IL12RB2: variants seen among roughly 807,000 people sequenced by gnomAD.
The protein encoded by IL12RB2 is interleukin-12 receptor subunit beta-2.
In IL12RB2, 82 loss-of-function variants were observed where a neutral mutation model predicts 89.4. The observed-to-expected ratio is 0.92, with a 90% CI of 0.77 to 1.10. The LOEUF (loss-of-function observed/expected upper bound fraction) is 1.10, where lower values mean the gene tolerates loss of function less well. Ranked by LOEUF, IL12RB2 falls within the 50% of genes least tolerant of loss-of-function variation. IL12RB2 has a pLI of 0.00. For missense variants in IL12RB2, 963 were observed against 1,031.9 expected (o/e 0.93, Z 0.92); for synonymous variants, 368 against 370.1 (o/e 0.99, Z 0.07).
intron 8 of IL12RB2, 152 bp downstream of exon 8, chr1:67,330,962 A>C: frequency 4.2e-6 from 2 of 478,142 alleles, no homozygotes; most frequent in Non-Finnish European, 7.8e-6. Context: ...TTTTATATTA[A>C]CTTAAGTGCT....
chr1:67,341,529 G>GAAGGAAAGAAAAA (rs368547295), intron 9 of IL12RB2, among the ~76,000 whole-genome samples: 5 of 110,690 alleles, frequency 4.5e-5, no homozygotes, highest in East Asian at 2.8e-4. Flanking sequence ...AAAAAAGAAA[G>GAAGGAAAGAAAAA]AGAAAGAAAG....
intron 1 of IL12RB2, among the ~76,000 whole-genome samples, chr1:67,310,056 G>A (rs1020350281): frequency 1.3e-5 from 2 of 151,690 alleles, no homozygotes; most frequent in Non-Finnish European, 2.9e-5. Flanking sequence ...ACACCATGTG[G>A]CATGGTAATC....
At chr1:67,361,844 C>T (rs933371241) in intron 10 of IL12RB2, among the ~76,000 whole-genome samples, 1 of 151,606 alleles carries the variant, frequency 6.6e-6, no homozygotes, top group African/African-American at 2.4e-5. Flanking sequence ...CCTCCACCCA[C>T]AAAAAAAACT....
chr1:67,351,726 C>A (rs892726814), intron 10 of IL12RB2, among the ~76,000 whole-genome samples: 1 of 152,106 alleles, frequency 6.6e-6, no homozygotes, highest in African/African-American at 2.4e-5. Flanking sequence ...CCCTTTATTG[C>A]ACAAGTTTAG....
intron 11 of IL12RB2, among the ~76,000 whole-genome samples, chr1:67,371,381 A>T (rs1663283879): frequency 6.6e-6 from 1 of 152,062 alleles, no homozygotes; most frequent in Admixed American, 6.6e-5. Context: ...CAAATAATTT[A>T]ATAAATTTTT....
chr1:67,332,734 C>A (rs927041776), intron 8 of IL12RB2, among the ~76,000 whole-genome samples: 10 of 152,022 alleles, frequency 6.6e-5, no homozygotes, highest in Admixed American at 4.6e-4. Flanking sequence ...TGAAAATGGG[C>A]TATATTTTAT....
intron 13 of IL12RB2, 89 bp from the exon 14 acceptor site, chr1:67,379,897 T>C: frequency 1.9e-6 from 2 of 1,031,692 alleles, no homozygotes; most frequent in Non-Finnish European, 1.5e-6. Context: ...CCAAATTAAA[T>C]GAAGCATTAA....
chr1:67,328,253 G>A lies in IL12RB2; in HGVS notation c.533G>A (p.Cys178Tyr), dbSNP rs138759281. The change falls in exon 6 of 17, where the codon TGT (cysteine) becomes TAT (tyrosine). Residue 178 changes from cysteine to tyrosine, a missense_variant. Cys to Tyr is a radical substitution (Grantham distance 194). Transcript: ENST00000674203. ...TWQKQCKDIY[C>Y]DYLDFGINLT... is the part of the protein sequence containing the mutation. Reference sequence around the variant, plus strand: ...CAGAAGCAATGTAAAGACATTTATTGTGACTATTTGGACTTTGGAATCAAC... The same window carrying A: ...CAGAAGCAATGTAAAGACATTTATTATGACTATTTGGACTTTGGAATCAAC... The A allele has an allele frequency of 6.8e-6, 11 of 1,614,014 alleles. No individual in the cohort carries two copies. Among genetic ancestry groups the A allele is most frequent in the Admixed American group, 1.7e-5 (1 of 59,996 alleles).
intron 5 of IL12RB2, 22 bp from the exon 6 acceptor site, chr1:67,328,178 C>T (rs750887272): frequency 2.1e-5 from 31 of 1,511,856 alleles, no homozygotes; most frequent in Non-Finnish European, 2.3e-5. Flanking sequence ...TGTTGCTACA[C>T]GTGGTTGTGT....
intron 13 of IL12RB2, among the ~76,000 whole-genome samples, chr1:67,376,028 A>T (rs1486496450): frequency 6.6e-6 from 1 of 151,828 alleles, no homozygotes; most frequent in African/African-American, 2.4e-5. Context: ...TTGTATTTTT[A>T]GTAGACACGG....
At chr1:67,328,756 C>G (rs1657665305) in intron 6 of IL12RB2, among the ~76,000 whole-genome samples, 1 of 152,158 alleles carries the variant, frequency 6.6e-6, no homozygotes, top group East Asian at 1.9e-4. Context: ...ATGGCTACTC[C>G]CATTGTTGTG....
At chr1:67,347,254 T>C (rs1404306482) in intron 9 of IL12RB2, among the ~76,000 whole-genome samples, 1 of 152,210 alleles carries the variant, frequency 6.6e-6, no homozygotes, top group Non-Finnish European at 1.5e-5. Flanking sequence ...CCTCCAGCTT[T>C]CTAAGGTCTA....
In IL12RB2 at chr1:67,372,498, G is replaced by A; in HGVS notation, c.1522G>A (p.Gly508Arg). ...RVYALSGDQG[G>R]CSSILGNSKH... Reference sequence around the variant, plus strand: ...GTATGCACTCTCAGGGGATCAAGGAGGATGCAGCTCCATCCTGGGTAACTC... The same window carrying A: ...GTATGCACTCTCAGGGGATCAAGGAAGATGCAGCTCCATCCTGGGTAACTC... The change falls in exon 12 of 17, where the codon GGA (glycine) becomes AGA (arginine). Residue 508 changes from glycine (G) to arginine (R), a missense_variant. By Grantham distance (125) the Gly-to-Arg change is moderately radical. Transcript: ENST00000674203. The A allele has an allele frequency of 1.2e-6, 2 of 1,605,592 alleles. No homozygotes were observed. Among genetic ancestry groups the A allele is most frequent in the South Asian group, 2.2e-5 (2 of 90,904 alleles).
intron 9 of IL12RB2, among the ~76,000 whole-genome samples, chr1:67,339,411 C>T (rs538060506): frequency 2.7e-5 from 4 of 150,666 alleles, no homozygotes; most frequent in African/African-American, 4.9e-5. Context: ...CACTTGAACC[C>T]GGGAGGCAGG....
At position 67,308,847 on chromosome 1, in the gene IL12RB2, C is replaced by G. The variant is rs191236885; in HGVS notation, c.-125+880C>G. Among the ~76,000 whole-genome samples the G allele has an allele frequency of 1.2e-3, 179 of 152,172 alleles. 1 individual carries two copies. Among genetic ancestry groups the G allele is most frequent in the African/African-American group, 4.1e-3 (171 of 41,502 alleles). ...CCAGCCTGGCCAACATGGTGAAACC[C>G]TGTCTCTATTAAAAATACGAAAATT... On this transcript the variant is annotated intron_variant, in intron 1 of 16. Transcript: ENST00000674203.
At position 67,364,114 on chromosome 1, in the gene IL12RB2, AG is replaced by A. The variant is rs749500614; in HGVS notation, c.1259-3710del. Among the ~76,000 whole-genome samples, 4 of 152,194 alleles carry A rather than the reference AG, an allele frequency of 2.6e-5. No individual in the cohort carries two copies. In the East Asian group the frequency reaches 7.7e-4, roughly 29 times the overall value. On this transcript the variant is annotated intron_variant, in intron 10 of 16. Transcript: ENST00000674203. ...ATTTAAATATATAGACATATAGGCC[AG>A]CACAGTGGCTCACGCCTGTAATCCC... is the stretch of plus-strand genomic sequence containing the variant.
chr1:67,359,615 C>A (rs984306613), intron 10 of IL12RB2, among the ~76,000 whole-genome samples: 40 of 151,944 alleles, frequency 2.6e-4, no homozygotes, highest in African/African-American at 9.4e-4. Flanking sequence ...TCAGCTACTC[C>A]AGAGGCTGGG....
rs1330306018 is a variant in IL12RB2 at position 67,346,376 on chromosome 1, CTATT to C, written c.1039-4492_1039-4489del. On this transcript the variant is annotated intron_variant, in intron 9 of 16. Transcript: ENST00000674203. The stretch of plus-strand genomic sequence containing the variant: ...TCTAAAATGTCCAGGTGAGGGTTGT[CTATT>C]TTTTTTTTTTTTTTTTTTTTTTTTT... 7.0e-5 allele frequency among the ~76,000 whole-genome samples: 6 copies of C among 85,986 alleles called. No homozygotes were observed. The Admixed American group carries it at 9.6e-4, about 14-fold the overall frequency. The allele number at this position is 85,986 out of a possible 152,430, so 56.4% of individuals were successfully genotyped here. A position where few individuals can be genotyped will look rare whatever the true frequency, so the allele number is the denominator to read the frequency against.
rs550656933 is a variant in IL12RB2 at position 67,357,556 on chromosome 1, A to G, written c.1258+6467A>G. On this transcript the variant is annotated intron_variant, in intron 10 of 16. Coordinates refer to ENST00000674203, the MANE Select transcript of IL12RB2 (RefSeq NM_001374259.2). Reference sequence around the variant, plus strand: ...AAAACAAACACATTTAGTTGTTTCCATCTCTTAAACTTCAGTTGCATTGCA... The same window carrying G: ...AAAACAAACACATTTAGTTGTTTCCGTCTCTTAAACTTCAGTTGCATTGCA... Among the ~76,000 whole-genome samples the G allele has an allele frequency of 2.0e-5, 3 of 152,330 alleles. No individual in the cohort carries two copies. In the South Asian group the frequency reaches 6.2e-4, roughly 32 times the overall value.
Sources: allele counts gnomAD v4.1 joint callset (sites outside exome capture counted in the v4.1 genomes callset), GRCh38; gene constraint gnomAD v4.1.1; transcripts MANE v1.5; gene names NCBI Gene and HGNC (gene_info 2026-07-23, HGNC 2026-07-21).